AFF3: variants seen among roughly 807,000 people sequenced by gnomAD.
The protein encoded by AFF3 is AF4/FMR2 family member 3.
AFF3 carries 32 observed loss-of-function variants against 129.7 expected under a neutral mutation model. The ratio of observed to expected loss-of-function variants is 0.25; its 90% CI spans 0.19 to 0.33. The LOEUF is 0.33. AFF3 is among the 10% of genes least tolerant of loss of function. The pLI is 1.00. For missense variants in AFF3, 1,373 were observed against 1,592.0 expected, an observed-to-expected ratio of 0.86 and a Z score of 2.34; for synonymous variants, 644 against 635.4, an observed-to-expected ratio of 1.01 and a Z score of -0.20.
At chr2:99,748,369 C>G (rs1444197207) in intron 9 of AFF3, among the ~76,000 whole-genome samples, 1 of 152,158 alleles carries the variant, frequency 6.6e-6, no homozygotes. Context: ...TATTGTCCCC[C>G]TCTGGGAGCA....
At chr2:99,811,071 CAT>C (rs950877681) in intron 8 of AFF3, among the ~76,000 whole-genome samples, 16 of 152,324 alleles carry the variant, frequency 1.1e-4, no homozygotes, top group Admixed American at 1.0e-3. Flanking sequence ...TGTTACCTAA[CAT>C]ATTCACATGG....
Position 100,104,798 on chromosome 2 carries a change from A to AGCCGCCGCTGCAGCCGCC in AFF3, c.-64-281_-64-280insGGCGGCTGCAGCGGCGGC, listed in dbSNP as rs1553521469. 4 of 606,396 alleles carry AGCCGCCGCTGCAGCCGCC rather than the reference A, an allele frequency of 6.6e-6. No homozygotes were observed. The African/African-American group carries it at 1.1e-4, about 17-fold the overall frequency. The allele number at this position is 606,396 out of a possible 1,614,324, so 37.6% of individuals were successfully genotyped here. ...TCGCGGCGGCCCGGCCCGCTGCTGCAGCCGCCGCCGCCGCCGCCGCCGCCG... is the reference window on the plus strand; with the variant it reads ...TCGCGGCGGCCCGGCCCGCTGCTGCAGCCGCCGCTGCAGCCGCCGCCGCCGCCGCCGCCGCCGCCGCCG... On this transcript the variant is annotated intron_variant, in intron 3 of 24. Transcript: ENST00000672756.
intron 20 of AFF3, among the ~76,000 whole-genome samples, chr2:99,563,911 G>A (rs956615963): frequency 2.0e-5 from 3 of 151,094 alleles, no homozygotes; most frequent in Non-Finnish European, 2.9e-5. Flanking sequence ...CGATTCTGAA[G>A]TATCTAGAAG....
At chr2:99,894,470 ATT>A (rs35613057) in intron 7 of AFF3, among the ~76,000 whole-genome samples, 6 of 142,580 alleles carry the variant, frequency 4.2e-5, no homozygotes, top group Non-Finnish European at 3.1e-5. Context: ...AGCGTCAGGA[ATT>A]TTTTTTTTTT....
In AFF3 at chr2:99,639,013, T is replaced by C. The variant is rs531260654; in HGVS notation, c.1184+10613A>G. On this transcript the variant is annotated intron_variant, in intron 13 of 24. Coordinates refer to ENST00000672756, the MANE Select transcript of AFF3 (RefSeq NM_001386135.1). ...AAACTGAATTTCACCCGGAGGAGCC[T>C]TGGGCTGTGGCCTCCTTACCAGACA... Among the ~76,000 whole-genome samples the C allele has an allele frequency of 7.9e-5, 12 of 152,280 alleles. No homozygotes were observed. In the South Asian group the frequency reaches 2.5e-3, roughly 32 times the overall value.
chr2:99,935,529 C>T (rs1176420298), intron 7 of AFF3, among the ~76,000 whole-genome samples: 1 of 152,138 alleles, frequency 6.6e-6, no homozygotes, highest in African/African-American at 2.4e-5. Flanking sequence ...ACTACAGTAG[C>T]ATGTACAATT....
chr2:100,125,502 G>A (rs549170583), intron 2 of AFF3, among the ~76,000 whole-genome samples: 5 of 152,256 alleles, frequency 3.3e-5, no homozygotes, highest in Middle Eastern at 3.4e-3. Context: ...GTTGGGTGCC[G>A]GGAATACCTG....
intron 13 of AFF3, among the ~76,000 whole-genome samples, chr2:99,648,678 G>A (rs939081896): frequency 6.6e-6 from 1 of 152,000 alleles, no homozygotes; most frequent in Non-Finnish European, 1.5e-5. Flanking sequence ...AGGAAGCACC[G>A]AGCTAAGCTG....
chr2:100,104,690 G>A, intron 3 of AFF3, 172 bp from the exon 4 acceptor site: 5 of 968,738 alleles, frequency 5.2e-6, no homozygotes, highest in Non-Finnish European at 6.1e-6. Flanking sequence ...TTGCGCGCAG[G>A]CACACTCAAG....
chr2:99,798,164 C>T (rs952041352), intron 8 of AFF3, among the ~76,000 whole-genome samples: 9 of 151,928 alleles, frequency 5.9e-5, no homozygotes, highest in Admixed American at 5.2e-4. Context: ...TTACACTGAA[C>T]ATGAAGTGGT....
intron 2 of AFF3, among the ~76,000 whole-genome samples, chr2:100,126,742 AT>A (rs1469040047): frequency 6.6e-6 from 1 of 152,088 alleles, no homozygotes; most frequent in South Asian, 2.1e-4. Flanking sequence ...AGTGTGTGAT[AT>A]TTTTTAATAA....
At chr2:99,825,271 T>C (rs1223966328) in intron 8 of AFF3, among the ~76,000 whole-genome samples, 1 of 152,160 alleles carries the variant, frequency 6.6e-6, no homozygotes, top group Non-Finnish European at 1.5e-5. Flanking sequence ...GATTATTATC[T>C]AGATAGATGT....
chr2:99,564,966 C>T (rs1488032990), intron 20 of AFF3, among the ~76,000 whole-genome samples: 2 of 152,088 alleles, frequency 1.3e-5, no homozygotes, highest in Non-Finnish European at 2.9e-5. Context: ...TGTTTGCCAT[C>T]GAATGCCTTG....
intron 7 of AFF3, among the ~76,000 whole-genome samples, chr2:99,995,435 C>G (rs962166946): frequency 2.6e-5 from 4 of 151,456 alleles, no homozygotes; most frequent in Non-Finnish European, 5.9e-5. Flanking sequence ...TGCAGTGGTG[C>G]GATCTCAGCT....
chr2:99,952,809 T>A (rs1401519990), intron 7 of AFF3, among the ~76,000 whole-genome samples: 1 of 152,210 alleles, frequency 6.6e-6, no homozygotes, highest in Non-Finnish European at 1.5e-5. Context: ...ACCCTCCTGG[T>A]CAGGAATGTG....
intron 8 of AFF3, among the ~76,000 whole-genome samples, chr2:99,815,797 T>C (rs952904269): frequency 6.6e-6 from 1 of 151,790 alleles, no homozygotes; most frequent in East Asian, 1.9e-4. Flanking sequence ...GCTGTACTAC[T>C]TATCCTGGTT....
In AFF3 at chr2:99,564,367, G is replaced by A. The variant is rs1046464373; in HGVS notation, c.3119+1120C>T. On this transcript the variant is annotated intron_variant, in intron 20 of 24. Transcript: ENST00000672756. ...GAAGGAATGTATGGATCTAGGATCC[G>A]TTAGAGTAACTTTTACCAGTCTTTT... 5.9e-5 allele frequency among the ~76,000 whole-genome samples: 9 copies of A among 152,032 alleles called. No individual in the cohort carries two copies. In the South Asian group the frequency reaches 8.3e-4, roughly 14 times the overall value.
intron 11 of AFF3, among the ~76,000 whole-genome samples, chr2:99,701,014 G>T (rs950177605): frequency 2.0e-5 from 3 of 152,198 alleles, no homozygotes; most frequent in Admixed American, 6.5e-5. Flanking sequence ...TACTGAAAGG[G>T]ACAGTGTGGC....
intron 8 of AFF3, among the ~76,000 whole-genome samples, chr2:99,783,920 T>A (rs1348355567): frequency 6.6e-6 from 1 of 152,240 alleles, no homozygotes; most frequent in Non-Finnish European, 1.5e-5. Context: ...GTGCTAAACA[T>A]AGATATTGTA....
Sources: allele counts gnomAD v4.1 joint callset (sites outside exome capture counted in the v4.1 genomes callset), GRCh38; gene constraint gnomAD v4.1.1; transcripts MANE v1.5; gene names NCBI Gene and HGNC (gene_info 2026-07-23, HGNC 2026-07-21).